Variants in AKAP10 observed in about 807,000 individuals in gnomAD.
AKAP10 encodes A-kinase anchor protein 10, mitochondrial.
Under a neutral mutation model 80.8 loss-of-function variants are expected in AKAP10, and 24 were observed. The observed-to-expected ratio is 0.30, with a 90% confidence interval of 0.22 to 0.42. The LOEUF (loss-of-function observed/expected upper bound fraction) is 0.42, where lower values mean the gene tolerates loss of function less well. AKAP10 is among the 10% of genes least tolerant of loss of function. AKAP10 has a pLI of 1.00. For missense variants in AKAP10, 661 were observed against 794.9 expected (o/e 0.83, Z 2.03); for synonymous variants, 291 against 277.7 (o/e 1.05, Z -0.48).
Position 19,909,220 on chromosome 17 carries a change from C to T in AKAP10, c.1944G>A (p.Gln648=), listed in dbSNP as rs759631226. The T allele has an allele frequency of 2.4e-5, 38 of 1,613,608 alleles. No homozygotes were observed. The highest frequency in any genetic ancestry group is 3.2e-5 in the Non-Finnish European group (38 of 1,179,936). The part of the protein sequence containing the change: ...IAKMIVSDIM[Q]QAQYDQPLEK... ...CTAACGGTTGATCATACTGAGCCTGCTGCATAATGTCACTGACTATCATTT... is the reference window on the plus strand; with the variant it reads ...CTAACGGTTGATCATACTGAGCCTGTTGCATAATGTCACTGACTATCATTT... The change falls in exon 14 of 15, where the codon CAG becomes CAA. Residue 648 remains glutamine, a synonymous_variant. Coordinates refer to ENST00000225737, the MANE Select transcript of AKAP10 (RefSeq NM_007202.4).
chr17:19,963,177 TAATC>T (rs1420098810), intron 2 of AKAP10, among the ~76,000 whole-genome samples, 155 bp from the exon 3 acceptor site: 4 of 151,818 alleles, frequency 2.6e-5, no homozygotes, highest in Non-Finnish European at 4.4e-5. Context: ...AAAAGTAACT[TAATC>T]AAGTGGTGGA....
At chr17:19,932,319 G>A (rs1295253710) in intron 9 of AKAP10, among the ~76,000 whole-genome samples, 1 of 151,926 alleles carries the variant, frequency 6.6e-6, no homozygotes, top group African/African-American at 2.4e-5. Context: ...AGGCATGGTG[G>A]TGAGCGCCTG....
At chr17:19,975,772 G>C (rs966189897) in intron 1 of AKAP10, among the ~76,000 whole-genome samples, 1 of 152,048 alleles carries the variant, frequency 6.6e-6, no homozygotes, top group African/African-American at 2.4e-5. Flanking sequence ...GGCAGACTCT[G>C]GACACTCAAA....
intron 5 of AKAP10, among the ~76,000 whole-genome samples, chr17:19,942,865 T>A (rs80234875): frequency 6.6e-6 from 1 of 152,054 alleles, no homozygotes. Context: ...TCTGTGATAC[T>A]GTGAAATATG....
chr17:19,941,973 GA>G, intron 5 of AKAP10, 63 bp from the exon 6 acceptor site: 1 of 1,464,016 alleles, frequency 6.8e-7, no homozygotes, highest in Non-Finnish European at 9.3e-7. Context: ...ACACACTTGT[GA>G]ATCAACTTGG....
chr17:19,958,324 AGAT>A lies in AKAP10; in HGVS notation c.564_566del (p.Ser189del). On this transcript the variant is annotated inframe_deletion, in exon 4 of 15. Coordinates refer to ENST00000225737, the MANE Select transcript of AKAP10 (RefSeq NM_007202.4). ...AAGACGCTGTAGTTTCATGCTTTTT[AGAT>A]GGAGAGACAGGCTCAGCCAGTGAGC... is the stretch of plus-strand genomic sequence containing the variant. 2.5e-6 allele frequency: 4 copies of A among 1,614,252 alleles called. No individual in the cohort carries two copies. Among genetic ancestry groups the A allele is most frequent in the Non-Finnish European group, 3.4e-6 (4 of 1,180,044 alleles).
intron 5 of AKAP10, 146 bp downstream of exon 5, chr17:19,947,261 G>T (rs1189205248): frequency 9.1e-6 from 6 of 660,646 alleles, no homozygotes; most frequent in South Asian, 7.4e-5. Flanking sequence ...GCTATAATCC[G>T]ATATAAAAAA....
chr17:19,953,895 G>A (rs1427305043), intron 4 of AKAP10, among the ~76,000 whole-genome samples: 1 of 152,092 alleles, frequency 6.6e-6, no homozygotes, highest in African/African-American at 2.4e-5. Flanking sequence ...AGTCGGGCAT[G>A]GTGGCACACG....
At chr17:19,910,017 A>C in intron 12 of AKAP10, 39 bp from the exon 13 acceptor site, 2 of 1,589,894 alleles carry the variant, frequency 1.3e-6, no homozygotes, top group Admixed American at 1.7e-5. Context: ...CATTTCATGC[A>C]TAATTTTACA....
chr17:19,915,801 G>A (rs902640790), intron 12 of AKAP10, among the ~76,000 whole-genome samples: 8 of 152,308 alleles, frequency 5.3e-5, no homozygotes, highest in African/African-American at 1.7e-4. Context: ...TGGCAAGAAT[G>A]TTGTTTCTCT....
chr17:19,958,723 T>C, intron 3 of AKAP10, 152 bp from the exon 4 acceptor site: 1 of 642,616 alleles, frequency 1.6e-6, no homozygotes, highest in Non-Finnish European at 2.5e-6. Flanking sequence ...CTACAAATAC[T>C]ATGCTTTTGG....
intron 9 of AKAP10, among the ~76,000 whole-genome samples, chr17:19,932,605 T>G (rs1034362529): frequency 1.1e-4 from 16 of 152,268 alleles, no homozygotes; most frequent in Middle Eastern, 3.4e-3. Flanking sequence ...TTTTTCTGGT[T>G]TATGATAAAT....
At chr17:19,938,689 C>A (rs2043019806) in intron 8 of AKAP10, among the ~76,000 whole-genome samples, 1 of 151,910 alleles carries the variant, frequency 6.6e-6, no homozygotes. Flanking sequence ...CAAGTTACCC[C>A]TTTAGCATTT....
intron 4 of AKAP10, among the ~76,000 whole-genome samples, chr17:19,951,480 A>G (rs1466386677): frequency 6.6e-6 from 1 of 151,730 alleles, no homozygotes; most frequent in Non-Finnish European, 1.5e-5. Flanking sequence ...GAAAAGAAAG[A>G]GAGATCAGAT....
At chr17:19,923,591 A>G (rs1440672888) in intron 11 of AKAP10, among the ~76,000 whole-genome samples, 1 of 151,660 alleles carries the variant, frequency 6.6e-6, no homozygotes, top group Non-Finnish European at 1.5e-5. Context: ...CAGTGGCACA[A>G]TCTAAGCTCA....
chr17:19,941,467 C>T (rs2043050319), intron 6 of AKAP10, among the ~76,000 whole-genome samples: 1 of 152,080 alleles, frequency 6.6e-6, no homozygotes, highest in African/African-American at 2.4e-5. Flanking sequence ...AGCTTAAAGC[C>T]TAACTAACAA....
chr17:19,924,836 C>A (rs756995906), intron 10 of AKAP10, among the ~76,000 whole-genome samples: 1 of 152,120 alleles, frequency 6.6e-6, no homozygotes, highest in African/African-American at 2.4e-5. Context: ...CCACCTCAGT[C>A]TCAGAAAGTG....
intron 10 of AKAP10, among the ~76,000 whole-genome samples, chr17:19,926,511 T>C (rs2042876856): frequency 6.6e-6 from 1 of 152,170 alleles, no homozygotes; most frequent in South Asian, 2.1e-4. Flanking sequence ...CATGATCTTA[T>C]ATATTGAAAA....
intron 4 of AKAP10, among the ~76,000 whole-genome samples, chr17:19,950,675 G>C (rs541507670): frequency 5.3e-5 from 8 of 152,378 alleles, no homozygotes; most frequent in Admixed American, 2.0e-4. Flanking sequence ...CCACTTCCCA[G>C]CCGCCTGCCT....
Sources: gnomAD v4.1 joint callset for allele counts (sites outside exome capture counted in the v4.1 genomes callset) on GRCh38, gnomAD v4.1.1 for gene constraint, MANE v1.5 for transcripts, NCBI Gene and HGNC (gene_info 2026-07-23, HGNC 2026-07-21) for gene names.